PPM1H: variants seen among roughly 807,000 people sequenced by gnomAD.
The protein encoded by PPM1H is protein phosphatase 1H.
Under a neutral mutation model 54.9 loss-of-function variants are expected in PPM1H, and 27 were observed. The ratio of observed to expected loss-of-function variants is 0.49; its 90% confidence interval spans 0.36 to 0.68. The LOEUF (loss-of-function observed/expected upper bound fraction) is 0.68, where lower values mean the gene tolerates loss of function less well. Ranked by LOEUF, PPM1H falls within the 30% of genes least tolerant of loss-of-function variation. PPM1H has a pLI of 0.00. For missense variants in PPM1H, 596 were observed against 667.8 expected (o/e 0.89, Z 1.19); for synonymous variants, 305 against 270.8 (o/e 1.13, Z -1.24).
At chr12:62,932,463 C>G (rs1024197768) in intron 1 of PPM1H, among the ~76,000 whole-genome samples, 1 of 152,064 alleles carries the variant, frequency 6.6e-6, no homozygotes, top group African/African-American at 2.4e-5. Context: ...AACTTTCTCA[C>G]CATTGCCTGC....
chr12:62,810,196 A>T (rs2076826386), intron 2 of PPM1H, among the ~76,000 whole-genome samples: 1 of 152,224 alleles, frequency 6.6e-6, no homozygotes, highest in Admixed American at 6.5e-5. Flanking sequence ...TAGGGATTTT[A>T]TATAAGACAC....
At chr12:62,839,698 G>GATAAAA (rs1868651490) in intron 1 of PPM1H, among the ~76,000 whole-genome samples, 2 of 151,664 alleles carry the variant, frequency 1.3e-5, no homozygotes, top group African/African-American at 4.9e-5. Flanking sequence ...CAAGGAGATG[G>GATAAAA]TTTCTACTCT....
At chr12:62,681,200 T>G (rs1205989856) in intron 8 of PPM1H, among the ~76,000 whole-genome samples, 1 of 152,156 alleles carries the variant, frequency 6.6e-6, no homozygotes, top group Non-Finnish European at 1.5e-5. Context: ...TTCAGAAAAC[T>G]TACGGCAAAA....
chr12:62,802,112 C>T lies in PPM1H; in HGVS notation c.460G>A (p.Ala154Thr). ...CHYWSLFDGHAGSGAAVVASR... is the reference protein window; with the variant it reads ...CHYWSLFDGHTGSGAAVVASR... ...GCCACCACCGCGGCCCCGGACCCCG[C>T]GTGCCCGTCAAACAGCGACCAATAG... Residue 154 changes from alanine (A) to threonine (T), a missense_variant, in exon 3 of 10, where the codon GCG becomes ACG. Ala to Thr is a moderately conservative substitution (Grantham distance 58). This residue lies in a region of PPM1H where 382 missense variants were observed against 387.1 expected (regional missense o/e 0.99). Transcript: ENST00000228705. 1 of 1,598,072 alleles carries T rather than the reference C, an allele frequency of 6.3e-7. No individual in the cohort carries two copies. Among genetic ancestry groups the T allele is most frequent in the Non-Finnish European group, 8.5e-7 (1 of 1,171,638 alleles).
At chr12:62,820,091 G>T (rs1348071014) in intron 2 of PPM1H, among the ~76,000 whole-genome samples, 1 of 152,250 alleles carries the variant, frequency 6.6e-6, no homozygotes, top group Admixed American at 6.5e-5. Flanking sequence ...CTTTTCCAAT[G>T]GCCTTAGCAA....
chr12:62,735,629 C>A (rs1032084486), intron 5 of PPM1H, among the ~76,000 whole-genome samples: 1 of 152,170 alleles, frequency 6.6e-6, no homozygotes, highest in African/African-American at 2.4e-5. Context: ...GGCCTGCCCT[C>A]CAGAACACAG....
At chr12:62,742,431 G>A (rs575855469) in intron 4 of PPM1H, among the ~76,000 whole-genome samples, 40 of 152,244 alleles carry the variant, frequency 2.6e-4, no homozygotes, top group Middle Eastern at 3.4e-3. Flanking sequence ...GGATCAATTT[G>A]TCAGAGTGCT....
intron 4 of PPM1H, chr12:62,756,000 CA>C: frequency 7.3e-7 from 1 of 1,372,102 alleles, no homozygotes; most frequent in South Asian, 1.2e-5. Context: ...ATGATGACAT[CA>C]AGAAGGTGGT....
At chr12:62,656,062 C>G (rs1209885422) in intron 9 of PPM1H, among the ~76,000 whole-genome samples, 1 of 152,202 alleles carries the variant, frequency 6.6e-6, no homozygotes, top group African/African-American at 2.4e-5. Context: ...GGCCAAAGCT[C>G]TTTTCATAAC....
At chr12:62,711,135 G>A (rs1417842785) in intron 6 of PPM1H, among the ~76,000 whole-genome samples, 1 of 152,098 alleles carries the variant, frequency 6.6e-6, no homozygotes, top group Non-Finnish European at 1.5e-5. Context: ...GGGACTATAG[G>A]CACGTGCCAA....
Position 62,854,797 on chromosome 12 carries a change from G to C in PPM1H, c.246-22518C>G, listed in dbSNP as rs564091712. 4.6e-5 allele frequency among the ~76,000 whole-genome samples: 7 copies of C among 151,836 alleles called. No individual in the cohort carries two copies. In the East Asian group the frequency reaches 1.4e-3, roughly 29 times the overall value. ...GGTAAATGTTTGTCACTCTCTTCTGGAAGGCAGAATGACACAAAAGCAATA... is the reference window on the plus strand; with the variant it reads ...GGTAAATGTTTGTCACTCTCTTCTGCAAGGCAGAATGACACAAAAGCAATA... On this transcript the variant is annotated intron_variant, in intron 1 of 9. Coordinates refer to ENST00000228705, the MANE Select transcript of PPM1H (RefSeq NM_020700.2).
At chr12:62,824,121 G>A (rs368663147) in intron 2 of PPM1H, among the ~76,000 whole-genome samples, 9,301 of 149,674 alleles carry the variant, frequency 0.062, 416 homozygotes, top group Middle Eastern at 0.11. Flanking sequence ...CAAACAGAGA[G>A]CCAAATCATG....
In PPM1H at chr12:62,827,604, C is replaced by A. The variant is rs543550143; in HGVS notation, c.411+4510G>T. 1.6e-4 allele frequency among the ~76,000 whole-genome samples: 25 copies of A among 152,282 alleles called. No homozygotes were observed. The South Asian group carries it at 5.0e-3, about 30-fold the overall frequency. On this transcript the variant is annotated intron_variant, in intron 2 of 9. Coordinates refer to ENST00000228705, the MANE Select transcript of PPM1H (RefSeq NM_020700.2). ...CTGCTTACTCTTCCTGTCTTGCCAACCCTCCAAGAGACCATATATTTTCCA... is the reference window on the plus strand; with the variant it reads ...CTGCTTACTCTTCCTGTCTTGCCAAACCTCCAAGAGACCATATATTTTCCA...
intron 4 of PPM1H, among the ~76,000 whole-genome samples, chr12:62,785,309 C>T (rs868646287): frequency 1.2e-4 from 18 of 152,212 alleles, no homozygotes; most frequent in Admixed American, 2.0e-4. Flanking sequence ...CCCAGGTAGC[C>T]GGGACTACCG....
intron 5 of PPM1H, among the ~76,000 whole-genome samples, chr12:62,735,221 TAA>T (rs1565772919): frequency 1.3e-5 from 2 of 152,064 alleles, no homozygotes; most frequent in Non-Finnish European, 2.9e-5. Context: ...TTCTTTTTTT[TAA>T]AGAGACAAGG....
chr12:62,795,539 C>T (rs980192009), intron 3 of PPM1H, among the ~76,000 whole-genome samples: 7 of 151,946 alleles, frequency 4.6e-5, no homozygotes, highest in Admixed American at 1.3e-4. Context: ...CTCCGCCTCC[C>T]GGGTTCACAC....
chr12:62,815,585 T>A lies in PPM1H; in HGVS notation c.412-13425A>T, dbSNP rs1034002156. Among the ~76,000 whole-genome samples, 5 of 152,318 alleles carry A rather than the reference T, an allele frequency of 3.3e-5. No homozygotes were observed. In the South Asian group the frequency reaches 8.3e-4, roughly 25 times the overall value. ...TAAGTACTGTGAAATAATACTGAAG[T>A]GCAGTTGCCAATCCACTATTAGAAA... On this transcript the variant is annotated intron_variant, in intron 2 of 9. Transcript: ENST00000228705.
chr12:62,811,633 T>C (rs11174664), intron 2 of PPM1H, among the ~76,000 whole-genome samples: 10,029 of 152,256 alleles, frequency 0.066, 443 homozygotes, highest in Middle Eastern at 0.12. Flanking sequence ...CATTGAATCA[T>C]GGGGGTGGTC....
chr12:62,711,477 T>C (rs189549323), intron 6 of PPM1H, among the ~76,000 whole-genome samples: 3 of 152,320 alleles, frequency 2.0e-5, no homozygotes, highest in African/African-American at 4.8e-5. Flanking sequence ...GGTAAGTGTC[T>C]ACAGGGCCTT....
Sources: allele counts gnomAD v4.1 joint callset (sites outside exome capture counted in the v4.1 genomes callset), GRCh38; gene constraint gnomAD v4.1.1; regional missense constraint gnomAD v4.1.1; transcripts MANE v1.5; gene names NCBI Gene and HGNC (gene_info 2026-07-23, HGNC 2026-07-21).